Variants in SLC30A6 observed in about 807,000 individuals in gnomAD.
SLC30A6 encodes solute carrier family 30 member 6, also known as zinc transporter 6.
In SLC30A6, 55 loss-of-function variants were observed where a neutral mutation model predicts 63.0. That is an observed-to-expected ratio of 0.87 (90% CI 0.70 to 1.09). The LOEUF (loss-of-function observed/expected upper bound fraction) is 1.09. SLC30A6 is among the 50% of genes least tolerant of loss of function. The probability of loss-of-function intolerance (pLI) is 0.00; values close to 1 mark genes in which losing one functional copy is unlikely to be tolerated. For synonymous variants in SLC30A6, 224 were observed against 186.1 expected, an observed-to-expected ratio of 1.20 and a Z score of -1.66; for missense variants, 587 against 549.2, an observed-to-expected ratio of 1.07 and a Z score of -0.69.
At chr2:32,169,880 A>G (rs187997099) in intron 1 of SLC30A6, among the ~76,000 whole-genome samples, 88 of 152,356 alleles carry the variant, frequency 5.8e-4, no homozygotes, top group Admixed American at 5.4e-3. Flanking sequence ...TGCAAAAGCA[A>G]ATGTGAATAA....
chr2:32,166,000 G>T, intron 1 of SLC30A6, 97 bp downstream of exon 1: 2 of 1,564,872 alleles, frequency 1.3e-6, no homozygotes, highest in Non-Finnish European at 1.8e-6. Flanking sequence ...CCACCCAGAG[G>T]AGGGGTCATT....
intron 5 of SLC30A6, among the ~76,000 whole-genome samples, chr2:32,186,474 T>G (rs1169226352): frequency 1.3e-5 from 2 of 152,088 alleles, no homozygotes; most frequent in African/African-American, 4.8e-5. Flanking sequence ...TCACCTGAGG[T>G]CAGGAGTTTG....
chr2:32,201,506 T>C, intron 10 of SLC30A6: 1 of 538,952 alleles, frequency 1.9e-6, no homozygotes. Flanking sequence ...CAGCCACGGC[T>C]GAGTGGCTGC....
chr2:32,219,894 A>G (rs866419216), intron 13 of SLC30A6, among the ~76,000 whole-genome samples: 5 of 152,218 alleles, frequency 3.3e-5, no homozygotes, highest in African/African-American at 4.8e-5. Flanking sequence ...GTCCTCTTCA[A>G]TTGGAATTAA....
intron 5 of SLC30A6, among the ~76,000 whole-genome samples, chr2:32,191,843 ACATAGTGAGACCCC>A (rs1299745623): frequency 6.6e-6 from 1 of 152,124 alleles, no homozygotes; most frequent in Non-Finnish European, 1.5e-5. Context: ...AGCCTGGGCA[ACATAGTGAGACCCC>A]CATCTCTTGA....
intron 13 of SLC30A6, among the ~76,000 whole-genome samples, chr2:32,217,844 C>CTT (rs61606348): frequency 1.2e-4 from 17 of 143,754 alleles, no homozygotes; most frequent in Non-Finnish European, 1.2e-4. Context: ...GGATTGAATT[C>CTT]TTTTTTTTTT....
At chr2:32,201,526 G>GT in intron 10 of SLC30A6, 1 of 718,558 alleles carries the variant, frequency 1.4e-6, no homozygotes, top group Non-Finnish European at 2.2e-6. Flanking sequence ...CCCTGCCCCT[G>GT]TTTCCTTTCA....
intron 4 of SLC30A6, among the ~76,000 whole-genome samples, chr2:32,179,923 T>C (rs182173500): frequency 6.6e-6 from 1 of 152,312 alleles, no homozygotes; most frequent in Non-Finnish European, 1.5e-5. Context: ...ATTTTATTTA[T>C]ATAAATAAAA....
At chr2:32,165,940 C>G (rs1007009777) in intron 1 of SLC30A6, 37 bp downstream of exon 1, 1 of 1,614,108 alleles carries the variant, frequency 6.2e-7, no homozygotes, top group South Asian at 1.1e-5. Flanking sequence ...TCGGCTGTAG[C>G]TGATTCGGTT....
intron 13 of SLC30A6, among the ~76,000 whole-genome samples, chr2:32,212,252 T>C (rs1685314926): frequency 1.3e-5 from 2 of 152,136 alleles, no homozygotes; most frequent in Admixed American, 1.3e-4. Context: ...TCTAAGGTTT[T>C]CTAATTCTGA....
intron 3 of SLC30A6, among the ~76,000 whole-genome samples, 180 bp from the exon 4 acceptor site, chr2:32,175,139 A>G (rs1385138674): frequency 4.6e-5 from 7 of 152,188 alleles, no homozygotes; most frequent in Non-Finnish European, 1.5e-5. Context: ...TTTTCTACCA[A>G]CGAACTTTGG....
chr2:32,178,869 T>C (rs1682032574), intron 4 of SLC30A6, among the ~76,000 whole-genome samples: 1 of 152,200 alleles, frequency 6.6e-6, no homozygotes, highest in South Asian at 2.1e-4. Context: ...TTTTTCAAGA[T>C]TGTTTTGGCT....
chr2:32,203,554 G>C, intron 10 of SLC30A6: 3 of 1,603,906 alleles, frequency 1.9e-6, no homozygotes, highest in Non-Finnish European at 2.6e-6. Flanking sequence ...CCTCTGATAG[G>C]GATTTGTGAC....
At chr2:32,190,022 AC>A (rs1683188437) in intron 5 of SLC30A6, among the ~76,000 whole-genome samples, 2 of 151,960 alleles carry the variant, frequency 1.3e-5, no homozygotes, top group East Asian at 3.9e-4. Context: ...CATTCAGATC[AC>A]CTCTTTTTTA....
Position 32,222,898 on chromosome 2 carries a change from G to A in SLC30A6, c.*2185G>A, listed in dbSNP as rs1686217215. 6.6e-6 allele frequency: 1 copy of A among 152,308 alleles called. No individual in the cohort carries two copies. The highest frequency in any genetic ancestry group is 2.1e-4 in the South Asian group (1 of 4,832). 9.4% of individuals were successfully genotyped at this position (152,308 alleles called of 1,614,324 possible). ...ATGCATGTCTTCCCCATCCCCATAG[G>A]ATTTTAAAGTGTTCAGGTACCAAAC... On this transcript the variant is annotated 3_prime_UTR_variant, in exon 14 of 14. Transcript: ENST00000282587.
In SLC30A6 at chr2:32,175,264, G is replaced by T. The variant is rs138250304; in HGVS notation, c.176-55G>T. ...GTAGAAATAATTTTGGTAACTTGCT[G>T]TATTTTTTTAGAGGGGTCAGTAATA... On this transcript the variant is annotated intron_variant, in intron 3 of 13. Coordinates refer to ENST00000282587, the MANE Select transcript of SLC30A6 (RefSeq NM_017964.5). The T allele has an allele frequency of 1.2e-3, 1,883 of 1,554,168 alleles. 6 individuals are homozygous for T. The highest frequency in any genetic ancestry group is 6.2e-3 in the Middle Eastern group (37 of 5,924).
intron 10 of SLC30A6, among the ~76,000 whole-genome samples, chr2:32,199,620 GT>G (rs1342262307): frequency 5.9e-5 from 9 of 151,954 alleles, no homozygotes; most frequent in Non-Finnish European, 1.3e-4. Context: ...TAGTAACCCT[GT>G]TTTGCTATCA....
intron 5 of SLC30A6, among the ~76,000 whole-genome samples, chr2:32,187,793 T>G (rs1194884671): frequency 1.3e-5 from 2 of 152,292 alleles, no homozygotes; most frequent in East Asian, 3.9e-4. Context: ...TCTGGGAATT[T>G]CTGTTGATTA....
intron 4 of SLC30A6, chr2:32,177,529 TG>T (rs1301513613): frequency 1.4e-5 from 3 of 216,998 alleles, no homozygotes; most frequent in Non-Finnish European, 3.0e-5. Flanking sequence ...TGACCTCAAG[TG>T]GTCCACCCAC....
Sources: gnomAD v4.1 joint callset for allele counts (sites outside exome capture counted in the v4.1 genomes callset) on GRCh38, gnomAD v4.1.1 for gene constraint, MANE v1.5 for transcripts, NCBI Gene and HGNC (gene_info 2026-07-23, HGNC 2026-07-21) for gene names.